CDH12: variants seen among roughly 807,000 people sequenced by gnomAD.
CDH12 encodes the protein cadherin-12.
Under a neutral mutation model 74.1 loss-of-function variants are expected in CDH12, and 41 were observed. That is an observed-to-expected ratio of 0.55 (90% confidence interval 0.43 to 0.72). The LOEUF (loss-of-function observed/expected upper bound fraction) is 0.72. Ranked by LOEUF, CDH12 falls within the 30% of genes least tolerant of loss-of-function variation. The pLI is 0.00. For missense variants in CDH12, 945 were observed against 977.2 expected, an observed-to-expected ratio of 0.97 and a Z score of 0.44; for synonymous variants, 399 against 355.0, an observed-to-expected ratio of 1.12 and a Z score of -1.39.
intron 2 of CDH12, among the ~76,000 whole-genome samples, chr5:22,502,758 T>C (rs1041699470): frequency 2.6e-5 from 4 of 151,996 alleles, no homozygotes; most frequent in African/African-American, 7.2e-5. Context: ...CTATAAAAGA[T>C]AAAGCCCCAA....
intron 5 of CDH12, among the ~76,000 whole-genome samples, chr5:22,057,765 T>G (rs139919494): frequency 4.7e-4 from 71 of 152,236 alleles, no homozygotes; most frequent in African/African-American, 1.6e-3. Flanking sequence ...TGGAAACTCA[T>G]AGAGTGTTTG....
At chr5:22,735,728 A>AT (rs1744675115) in intron 1 of CDH12, among the ~76,000 whole-genome samples, 1 of 151,892 alleles carries the variant, frequency 6.6e-6, no homozygotes, top group African/African-American at 2.4e-5. Context: ...AAGTTAAGTG[A>AT]TTTTAACACA....
intron 2 of CDH12, among the ~76,000 whole-genome samples, chr5:22,490,017 C>T (rs1261261): frequency 0.95 from 144,771 of 152,184 alleles, 68,968 homozygotes; most frequent in African/African-American, 0.98. Flanking sequence ...TTTTATATTG[C>T]TCTTTAATAG....
chr5:21,854,560 C>T (rs1015356196), intron 7 of CDH12, 111 bp downstream of exon 7: 1 of 788,222 alleles, frequency 1.3e-6, no homozygotes, highest in African/African-American at 1.8e-5. Context: ...ATGCGCATCG[C>T]ACTGAAGCTT....
In CDH12 at chr5:21,841,611, A is replaced by G. The variant is rs1214214757; in HGVS notation, c.814+550T>C. On this transcript the variant is annotated intron_variant, in intron 8 of 14. Transcript: ENST00000382254. Reference sequence around the variant, plus strand: ...TAGCAAAGACTTGGAACCAACCCAAATGTCCAACAATGATAGACTGGATTA... The same window carrying G: ...TAGCAAAGACTTGGAACCAACCCAAGTGTCCAACAATGATAGACTGGATTA... 2.0e-5 allele frequency among the ~76,000 whole-genome samples: 3 copies of G among 150,942 alleles called. No homozygotes were observed. In the East Asian group the frequency reaches 5.9e-4, roughly 30 times the overall value.
At chr5:22,588,296 G>C (rs1254033262) in intron 1 of CDH12, among the ~76,000 whole-genome samples, 1 of 151,906 alleles carries the variant, frequency 6.6e-6, no homozygotes, top group East Asian at 1.9e-4. Flanking sequence ...AAGCACAGGA[G>C]GAATAATGTA....
At chr5:22,154,715 T>C (rs532151200) in intron 4 of CDH12, among the ~76,000 whole-genome samples, 39 of 151,974 alleles carry the variant, frequency 2.6e-4, no homozygotes, top group African/African-American at 8.9e-4. Context: ...CAAAATACAA[T>C]ACCTTCCACT....
At chr5:22,079,245 A>G (rs183419996) in intron 4 of CDH12, among the ~76,000 whole-genome samples, 2 of 152,268 alleles carry the variant, frequency 1.3e-5, no homozygotes, top group East Asian at 1.9e-4. Context: ...CTGGGAAGCT[A>G]TTTTGTGCAT....
intron 5 of CDH12, among the ~76,000 whole-genome samples, chr5:22,067,580 A>G (rs2150212776): frequency 6.6e-6 from 1 of 152,252 alleles, no homozygotes; most frequent in Non-Finnish European, 1.5e-5. Context: ...TTTAGGCTAT[A>G]CGATCCAGCA....
intron 6 of CDH12, among the ~76,000 whole-genome samples, chr5:21,891,580 C>T (rs999199473): frequency 2.7e-5 from 4 of 150,910 alleles, no homozygotes; most frequent in African/African-American, 9.8e-5. Flanking sequence ...CATACACACA[C>T]ACACACACAC....
At chr5:21,802,497 C>A in intron 9 of CDH12, 77 bp from the exon 10 acceptor site, 1 of 1,246,586 alleles carries the variant, frequency 8.0e-7, no homozygotes, top group Non-Finnish European at 1.1e-6. Context: ...TACTTCAGAG[C>A]AATTTGCAAG....
chr5:21,852,962 T>C (rs960951127), intron 7 of CDH12, among the ~76,000 whole-genome samples: 16 of 151,452 alleles, frequency 1.1e-4, no homozygotes, highest in Non-Finnish European at 2.1e-4. Context: ...TAAAATGAAA[T>C]ATTTTAGATA....
At chr5:21,892,309 A>G (rs1309524473) in intron 6 of CDH12, among the ~76,000 whole-genome samples, 1 of 152,160 alleles carries the variant, frequency 6.6e-6, no homozygotes, top group African/African-American at 2.4e-5. Context: ...GTGGTTATCA[A>G]TCATGGTGAT....
At chr5:22,774,135 T>A (rs977391576) in intron 1 of CDH12, among the ~76,000 whole-genome samples, 8 of 152,146 alleles carry the variant, frequency 5.3e-5, no homozygotes, top group African/African-American at 1.7e-4. Flanking sequence ...TTGGTATATA[T>A]CCATGCAGAT....
chr5:22,101,968 C>T (rs533778645), intron 4 of CDH12, among the ~76,000 whole-genome samples: 1 of 152,192 alleles, frequency 6.6e-6, no homozygotes, highest in East Asian at 1.9e-4. Context: ...TGACTATGTT[C>T]CAATAGTGCC....
At chr5:21,819,573 G>A (rs1042275595) in intron 8 of CDH12, among the ~76,000 whole-genome samples, 1 of 151,986 alleles carries the variant, frequency 6.6e-6, no homozygotes, top group African/African-American at 2.4e-5. Flanking sequence ...GCTCATAAAT[G>A]AGTGTTAGAA....
rs183040709 is a variant in CDH12, at chr5:22,037,918, A to T, written c.231+40528T>A. 5.9e-5 allele frequency among the ~76,000 whole-genome samples: 9 copies of T among 152,218 alleles called. No individual in the cohort carries two copies. The East Asian group carries it at 1.4e-3, about 23-fold the overall frequency. ...CCGAGTCAGGATCAGCTCAAAACCA[A>T]GAAGAACTCCTTCTTGGGAAAAACA... On this transcript the variant is annotated intron_variant, in intron 5 of 14. Coordinates refer to ENST00000382254, the MANE Select transcript of CDH12 (RefSeq NM_004061.5).
chr5:22,224,760 C>T (rs1254601463), intron 3 of CDH12, among the ~76,000 whole-genome samples: 2 of 151,898 alleles, frequency 1.3e-5, no homozygotes, highest in African/African-American at 4.8e-5. Context: ...AATAGTACAT[C>T]TCTTTTCCTC....
Position 22,068,208 on chromosome 5 carries a change from C to G in CDH12, c.231+10238G>C, listed in dbSNP as rs1741695487. On this transcript the variant is annotated intron_variant, in intron 5 of 14. Coordinates refer to ENST00000382254, the MANE Select transcript of CDH12 (RefSeq NM_004061.5). The stretch of plus-strand genomic sequence containing the variant: ...TATACAAGATGAGGCCTCAGCAGGC[C>G]CTTGATGCACAAGTAACTGACATGA... Among the ~76,000 whole-genome samples the G allele has an allele frequency of 2.6e-5, 4 of 152,014 alleles. No individual in the cohort carries two copies. The South Asian group carries it at 8.3e-4, about 32-fold the overall frequency.
Sources: allele counts gnomAD v4.1 joint callset (sites outside exome capture counted in the v4.1 genomes callset), GRCh38; gene constraint gnomAD v4.1.1; transcripts MANE v1.5; gene names NCBI Gene and HGNC (gene_info 2026-07-23, HGNC 2026-07-21).